The following PTPRG variants were observed in gnomAD, a reference collection of about 807,000 sequenced individuals.
PTPRG encodes the protein protein tyrosine phosphatase receptor type G, also known as receptor-type tyrosine-protein phosphatase gamma.
In PTPRG, 102 loss-of-function variants were observed where a neutral mutation model predicts 165.3. The ratio of observed to expected loss-of-function variants is 0.62; its 90% CI spans 0.53 to 0.73. PTPRG has a LOEUF of 0.73. Among genes scored for constraint, PTPRG ranks in the 30% least tolerant of loss-of-function variants. The pLI, the probability that PTPRG is intolerant of heterozygous loss-of-function variation, is 0.00. For missense variants in PTPRG, 1,866 were observed against 1,861.4 expected, an observed-to-expected ratio of 1.00 and a Z score of -0.05; for synonymous variants, 675 against 669.5, an observed-to-expected ratio of 1.01 and a Z score of -0.13.
chr3:62,050,134 A>G (rs756569330), intron 4 of PTPRG, among the ~76,000 whole-genome samples: 2 of 152,204 alleles, frequency 1.3e-5, no homozygotes, highest in Non-Finnish European at 2.9e-5. Flanking sequence ...TATGAAAGAA[A>G]ATAGGATAAA....
rs1703002093 is a variant in PTPRG, at chr3:62,294,574, T to C, written c.*1267T>C. 1 of 152,086 alleles carries C rather than the reference T, an allele frequency of 6.6e-6. No homozygotes were observed. The highest frequency in any genetic ancestry group is 2.1e-4 in the South Asian group (1 of 4,828). The allele number at this position is 152,086 out of a possible 1,614,324, so 9.4% of individuals were successfully genotyped here. ...CATTAGTAAAAGATACCAATAATCA[T>C]TAGAGCTCAAGGAAGTTATTAGGTG... On this transcript the variant is annotated 3_prime_UTR_variant, in exon 30 of 30. Transcript: ENST00000474889.
chr3:61,762,171 G>A (rs1166207393), intron 2 of PTPRG, among the ~76,000 whole-genome samples: 1 of 152,146 alleles, frequency 6.6e-6, no homozygotes, highest in African/African-American at 2.4e-5. Context: ...CTCTTGGGGA[G>A]TGATTTTGAC....
chr3:61,838,104 G>T (rs1424204325), intron 2 of PTPRG, among the ~76,000 whole-genome samples: 2 of 152,196 alleles, frequency 1.3e-5, no homozygotes, highest in East Asian at 1.9e-4. Context: ...ACACCGGGAT[G>T]GTTAAACAAC....
chr3:62,169,422 C>T (rs542109957), intron 8 of PTPRG, among the ~76,000 whole-genome samples: 10 of 152,202 alleles, frequency 6.6e-5, no homozygotes, highest in South Asian at 4.1e-4. Context: ...AGTTTAACCC[C>T]GGTATCTGAT....
intron 2 of PTPRG, among the ~76,000 whole-genome samples, chr3:61,918,529 G>A (rs536593072): frequency 1.1e-4 from 17 of 152,178 alleles, no homozygotes; most frequent in South Asian, 6.2e-4. Context: ...GAATAAGATC[G>A]CCCTGTACAA....
chr3:61,562,387 C>G lies in PTPRG; in HGVS notation c.85+15C>G. ...GTGCTTCCCCGGTGAGTGCCGGCCG[C>G]CGAGGGGATGCGGCCCCGGCCGGCG... On this transcript the variant is annotated intron_variant, in intron 1 of 29. Transcript: ENST00000474889. 1.2e-6 allele frequency: 2 copies of G among 1,612,692 alleles called. No homozygotes were observed. The highest frequency in any genetic ancestry group is 1.7e-6 in the Non-Finnish European group (2 of 1,179,086).
chr3:62,157,581 A>G (rs1460607664), intron 7 of PTPRG, among the ~76,000 whole-genome samples: 1 of 152,182 alleles, frequency 6.6e-6, no homozygotes, highest in Admixed American at 6.5e-5. Context: ...CATCTTCATG[A>G]ACAACACTCT....
chr3:62,271,446 C>G lies in PTPRG; in HGVS notation c.3073C>G (p.Gln1025Glu), dbSNP rs151031619. 3.2e-5 allele frequency: 52 copies of G among 1,613,596 alleles called. 1 individual carries two copies. The African/African-American group carries it at 5.6e-4, about 17-fold the overall frequency. Residue 1025 changes from glutamine to glutamate, a missense_variant, in exon 21 of 30, where the codon CAG becomes GAG. Coordinates refer to ENST00000474889, the MANE Select transcript of PTPRG (RefSeq NM_002841.4). This position sits in a 1 kb window ranked among gnomAD's most constrained non-coding sequence, Gnocchi z 4.1. ...ERVVIQYHYT[Q>E]WPDMGVPEYA... Reference sequence around the variant, plus strand: ...GGTAGTGATCCAGTATCACTATACACAGTGGCCTGACATGGGAGTTCCCGA... The same window carrying G: ...GGTAGTGATCCAGTATCACTATACAGAGTGGCCTGACATGGGAGTTCCCGA...
At chr3:62,021,585 A>G (rs2041692670) in intron 4 of PTPRG, among the ~76,000 whole-genome samples, 1 of 152,202 alleles carries the variant, frequency 6.6e-6, no homozygotes, top group African/African-American at 2.4e-5. Context: ...TCAGGGTTTT[A>G]AATCCAGAAT....
At chr3:62,204,463 AGCAAGCTAGATGGTGGTTAGTCG>A (rs1009790907) in intron 12 of PTPRG, among the ~76,000 whole-genome samples, 4 of 152,198 alleles carry the variant, frequency 2.6e-5, no homozygotes, top group African/African-American at 9.7e-5. Context: ...TTAGAAAGCC[AGCAAGCTAGATGGTGGTTAGTCG>A]GCAAGCTAGA....
chr3:61,840,439 T>G (rs2036591500), intron 2 of PTPRG, among the ~76,000 whole-genome samples: 1 of 152,184 alleles, frequency 6.6e-6, no homozygotes, highest in Admixed American at 6.5e-5. Context: ...CTTATTGTTT[T>G]AGGGCAAAAA....
At chr3:61,626,163 T>C (rs1390667901) in intron 1 of PTPRG, among the ~76,000 whole-genome samples, 1 of 152,118 alleles carries the variant, frequency 6.6e-6, no homozygotes, top group Non-Finnish European at 1.5e-5. Flanking sequence ...TGGCATCTCT[T>C]ATTGCTTCGT....
At chr3:61,859,718 T>G (rs959815188) in intron 2 of PTPRG, among the ~76,000 whole-genome samples, 1 of 152,124 alleles carries the variant, frequency 6.6e-6, no homozygotes, top group East Asian at 1.9e-4. Context: ...GGAGAACTTA[T>G]GACCTGAACC....
chr3:62,198,024 A>G (rs17066268), intron 10 of PTPRG, among the ~76,000 whole-genome samples: 8,072 of 152,288 alleles, frequency 0.053, 524 homozygotes, highest in East Asian at 0.34. Flanking sequence ...TAGGTTTCTC[A>G]GTAATAAATT....
chr3:61,785,224 A>T lies in PTPRG; in HGVS notation c.190+36242A>T, dbSNP rs183881375. On this transcript the variant is annotated intron_variant, in intron 2 of 29. Coordinates refer to ENST00000474889, the MANE Select transcript of PTPRG (RefSeq NM_002841.4). ...TTTTTAGAATGATGCTCTTAGGGGG[A>T]GGACAATTCAGGAGATATACATACT... 4.2e-3 allele frequency among the ~76,000 whole-genome samples: 641 copies of T among 152,282 alleles called. 26 individuals are homozygous for T. Among genetic ancestry groups the T allele is most frequent in the Admixed American group, 0.039 (591 of 15,290 alleles).
chr3:62,217,576 T>C lies in PTPRG; in HGVS notation c.2156-1275T>C, dbSNP rs1700543083. On this transcript the variant is annotated intron_variant, in intron 12 of 29. Transcript: ENST00000474889. The surrounding 1 kb of genome is among the most constrained non-coding windows in gnomAD (Gnocchi z 4.3). ...CCGGGCTGGCTGAACGCTGGCCTCG[T>C]TTTTGCAGTGCAGGAGGAATCCTTG... 1.3e-5 allele frequency: 2 copies of C among 152,260 alleles called. 1 individual carries two copies. The highest frequency in any genetic ancestry group is 1.3e-4 in the Admixed American group (2 of 15,286). The allele number at this position is 152,260 out of a possible 1,614,324, so 9.4% of individuals were successfully genotyped here.
At position 61,617,379 on chromosome 3, in the gene PTPRG, C is replaced by T. The variant is rs114367627; in HGVS notation, c.85+55007C>T. On this transcript the variant is annotated intron_variant, in intron 1 of 29. Transcript: ENST00000474889. Reference sequence around the variant, plus strand: ...TGCTTCTGGATAAAATAGTCAGGGACTTGTTCGGCATGTGGGTTGCTCAGG... The same window carrying T: ...TGCTTCTGGATAAAATAGTCAGGGATTTGTTCGGCATGTGGGTTGCTCAGG... Among the ~76,000 whole-genome samples, 408 of 152,264 alleles carry T rather than the reference C, an allele frequency of 2.7e-3. 2 individuals are homozygous for T. Among genetic ancestry groups the T allele is most frequent in the African/African-American group, 9.4e-3 (390 of 41,552 alleles).
At chr3:62,132,549 G>A (rs1001839249) in intron 5 of PTPRG, 53 bp from the exon 6 acceptor site, 5 of 1,391,858 alleles carry the variant, frequency 3.6e-6, no homozygotes, top group East Asian at 2.3e-5. Flanking sequence ...AACTGAGACT[G>A]TTGTGCCTGA....
rs1266456887 is a variant in PTPRG at position 62,157,149 on chromosome 3, C to T, written c.765C>T (p.Ser255=). Residue 255 remains serine (S), a synonymous_variant, in exon 7 of 30, where the codon TCC becomes TCT. Transcript: ENST00000474889. ...SLGSYYRYTG[S]LTTPPCSEIV... ...GCAGCTATTATCGGTACACAGGTTC[C>T]TTGACCACACCACCGTGTAGCGAAA... is the stretch of plus-strand genomic sequence containing the variant. 6 of 1,613,858 alleles carry T rather than the reference C, an allele frequency of 3.7e-6. No individual in the cohort carries two copies. The African/African-American group carries it at 8.0e-5, about 22-fold the overall frequency.
Sources: allele counts gnomAD v4.1 joint callset (sites outside exome capture counted in the v4.1 genomes callset), GRCh38; gene constraint gnomAD v4.1.1; non-coding constraint Gnocchi (gnomAD v3.1); transcripts MANE v1.5; gene names NCBI Gene and HGNC (gene_info 2026-07-23, HGNC 2026-07-21).